Variants in ABTB3 observed in about 807,000 individuals in gnomAD.
The protein encoded by ABTB3 is ankyrin repeat- and BTB/POZ domain-containing protein 3.
the ABTB3 span, among the ~76,000 whole-genome samples, chr12:107,474,771 G>A: frequency 6.6e-6 from 1 of 151,964 alleles, no homozygotes; most frequent in Non-Finnish European, 1.5e-5. Context: ...GGTTCTTAAG[G>A]CAGCAGATGC....
chr12:107,342,451 G>T, the ABTB3 span, among the ~76,000 whole-genome samples: 1 of 152,148 alleles, frequency 6.6e-6, no homozygotes, highest in Non-Finnish European at 1.5e-5. Context: ...TCCCACACTG[G>T]CCAGAGCTGT....
At chr12:107,631,141 C>T in the ABTB3 span, among the ~76,000 whole-genome samples, 1 of 152,142 alleles carries the variant, frequency 6.6e-6, no homozygotes, top group African/African-American at 2.4e-5. Flanking sequence ...CTGTTGTTCC[C>T]AACTTTATTT....
chr12:107,540,065 T>C, the ABTB3 span, among the ~76,000 whole-genome samples: 1 of 152,176 alleles, frequency 6.6e-6, no homozygotes, highest in Admixed American at 6.5e-5. Flanking sequence ...GATGTAGGGA[T>C]ATAACCCCCT....
the ABTB3 span, among the ~76,000 whole-genome samples, chr12:107,466,470 A>G: frequency 3.3e-5 from 5 of 151,822 alleles, no homozygotes; most frequent in Non-Finnish European, 5.9e-5. Context: ...CTCCCCAAGC[A>G]CAAATGTCCA....
the ABTB3 span, among the ~76,000 whole-genome samples, chr12:107,345,439 T>G: frequency 2.7e-5 from 4 of 150,638 alleles, no homozygotes; most frequent in Admixed American, 6.6e-5. Flanking sequence ...GGGTGTGGTA[T>G]CTTTGGATTC....
chr12:107,369,707 GTTTTTTTTTTTTTT>G, the ABTB3 span, among the ~76,000 whole-genome samples: 6 of 76,154 alleles, frequency 7.9e-5, no homozygotes, highest in South Asian at 8.1e-4. Context: ...CCCAAACATG[GTTTTTTTTTTTTTT>G]TTTTTTTTTT....
the ABTB3 span, among the ~76,000 whole-genome samples, chr12:107,469,799 T>C: frequency 6.6e-6 from 1 of 152,174 alleles, no homozygotes; most frequent in African/African-American, 2.4e-5. Context: ...AAATGGCAAC[T>C]TCAAATGGCA....
At chr12:107,377,116 GA>G in the ABTB3 span, among the ~76,000 whole-genome samples, 2 of 152,134 alleles carry the variant, frequency 1.3e-5, no homozygotes, top group African/African-American at 4.8e-5. Context: ...GTCTGCTTTG[GA>G]AGTTGACCTT....
At chr12:107,428,869 C>T in the ABTB3 span, among the ~76,000 whole-genome samples, 1 of 152,248 alleles carries the variant, frequency 6.6e-6, no homozygotes, top group Non-Finnish European at 1.5e-5. Context: ...ATCCTCACAG[C>T]ATCCCAGTGA....
the ABTB3 span, among the ~76,000 whole-genome samples, chr12:107,481,798 G>A: frequency 6.6e-6 from 1 of 151,972 alleles, no homozygotes; most frequent in East Asian, 1.9e-4. Flanking sequence ...CTCTCCCTGG[G>A]ACATTCTGAG....
the ABTB3 span, among the ~76,000 whole-genome samples, chr12:107,494,797 C>T: frequency 6.6e-6 from 1 of 152,162 alleles, no homozygotes; most frequent in Non-Finnish European, 1.5e-5. Context: ...CTCTGCGCTG[C>T]AGCCGCCTGT....
the ABTB3 span, among the ~76,000 whole-genome samples, chr12:107,435,634 G>C: frequency 6.6e-6 from 1 of 152,200 alleles, no homozygotes; most frequent in Non-Finnish European, 1.5e-5. Context: ...TACGATATAA[G>C]AGGGTCATTA....
the ABTB3 span, chr12:107,615,033 T>C: frequency 5.1e-6 from 8 of 1,583,874 alleles, no homozygotes; most frequent in South Asian, 8.9e-5. Context: ...AAGGTCACAT[T>C]TTGAAAATAA....
the ABTB3 span, chr12:107,581,107 G>A: frequency 1.9e-6 from 3 of 1,546,086 alleles, no homozygotes; most frequent in African/African-American, 1.4e-5. Flanking sequence ...CCCTGCCTCC[G>A]GGGAGGCCCT....
chr12:107,446,489 G>T, the ABTB3 span, among the ~76,000 whole-genome samples: 1 of 152,152 alleles, frequency 6.6e-6, no homozygotes, highest in Non-Finnish European at 1.5e-5. Context: ...GCCCTGCAGT[G>T]TTGGGAAGTC....
the ABTB3 span, among the ~76,000 whole-genome samples, chr12:107,607,375 T>C: frequency 1.8e-4 from 28 of 152,276 alleles, no homozygotes; most frequent in African/African-American, 5.8e-4. Context: ...TAGACTGAAG[T>C]CAGGCTCCGG....
chr12:107,652,045 A>G, the ABTB3 span, among the ~76,000 whole-genome samples: 2 of 152,262 alleles, frequency 1.3e-5, no homozygotes, highest in East Asian at 3.8e-4. Flanking sequence ...TCTCATGTGC[A>G]TATGACTCAC....
At chr12:107,635,668 A>G in the ABTB3 span, among the ~76,000 whole-genome samples, 2 of 152,070 alleles carry the variant, frequency 1.3e-5, no homozygotes, top group African/African-American at 4.8e-5. Flanking sequence ...TTCCATACAC[A>G]TCCCCCACAC....
At chr12:107,353,257 T>TG in the ABTB3 span, among the ~76,000 whole-genome samples, 1,966 of 151,968 alleles carry the variant, frequency 0.013, 34 homozygotes, top group African/African-American at 0.037. Context: ...CCCAGCATGG[T>TG]GGGGGGGAGA....
Sources: allele counts gnomAD v4.1 joint callset (sites outside exome capture counted in the v4.1 genomes callset), GRCh38; gene constraint gnomAD v4.1.1; transcripts MANE v1.5; gene names NCBI Gene and HGNC (gene_info 2026-07-23, HGNC 2026-07-21).